Variants in UNKL observed in about 807,000 individuals in gnomAD.
The protein encoded by UNKL is unk like zinc finger.
A neutral mutation model predicts 78.0 loss-of-function variants in UNKL; 60 were observed. That is an observed-to-expected ratio of 0.77 (90% CI 0.63 to 0.95). UNKL has a LOEUF of 0.95. Among genes scored for constraint, UNKL ranks in the 40% least tolerant of loss-of-function variants. The probability of loss-of-function intolerance (pLI) is 0.00; values close to 1 mark genes in which losing one functional copy is unlikely to be tolerated. For synonymous variants in UNKL, 608 were observed against 474.8 expected, an observed-to-expected ratio of 1.28 and a Z score of -3.65; for missense variants, 1,159 against 1,045.7, an observed-to-expected ratio of 1.11 and a Z score of -1.49.
rs904174144 is a variant in UNKL at position 1,387,840 on chromosome 16, G to C, written c.1087-2455C>G. On this transcript the variant is annotated intron_variant, in intron 9 of 14. Transcript: ENST00000389221. This position sits in a 1 kb window ranked among gnomAD's most constrained non-coding sequence, Gnocchi z 4.1. Reference sequence around the variant, plus strand: ...CCCATCTCTTGGCAGCCCACCCTGTGTCCCGGGGTCTGCCCAGGTCCGTGC... The same window carrying C: ...CCCATCTCTTGGCAGCCCACCCTGTCTCCCGGGGTCTGCCCAGGTCCGTGC... 2.7e-5 allele frequency among the ~76,000 whole-genome samples: 4 copies of C among 145,544 alleles called. No homozygotes were observed. Among genetic ancestry groups the C allele is most frequent in the African/African-American group, 7.8e-5 (3 of 38,654 alleles).
intron 6 of UNKL, chr16:1,394,449 T>C (rs561604079): frequency 1.5e-6 from 1 of 683,050 alleles, no homozygotes; most frequent in African/African-American, 1.8e-5. Context: ...TCCCGCAGCA[T>C]CTGCCCTCCC....
Position 1,366,893 on chromosome 16 carries a change from A to AAGGCGGCTCCCAGGGGGAC in UNKL, c.2046+198_2046+199insGTCCCCCTGGGAGCCGCCT, listed in dbSNP as rs1187004849. 1.9e-4 allele frequency among the ~76,000 whole-genome samples: 29 copies of AAGGCGGCTCCCAGGGGGAC among 152,044 alleles called. 1 individual carries two copies. Among genetic ancestry groups the AAGGCGGCTCCCAGGGGGAC allele is most frequent in the African/African-American group, 7.0e-4 (29 of 41,498 alleles). On this transcript the variant is annotated intron_variant, in intron 14 of 14. Coordinates refer to ENST00000389221, the MANE Select transcript of UNKL (RefSeq NM_001372107.1). ...AAGGGCAAGGGCCAGCCTGACAGGA[A>AAGGCGGCTCCCAGGGGGAC]AGGCGGCTCCCAGGGAGACAGGCAA...
Position 1,403,495 on chromosome 16 carries a change from T to C in UNKL, c.288-151A>G, listed in dbSNP as rs2037622545. The stretch of plus-strand genomic sequence containing the variant: ...GTTCTAATCAGAAGGACGGACACAC[T>C]GGACGCAGCACCTGTCCCCAAATGT... On this transcript the variant is annotated intron_variant, in intron 2 of 14. Transcript: ENST00000389221. The surrounding 1 kb of genome is among the most constrained non-coding windows in gnomAD (Gnocchi z 4.8). 9.9e-7 allele frequency: 1 copy of C among 1,014,910 alleles called. No individual in the cohort carries two copies. The allele number at this position is 1,014,910 out of a possible 1,614,324, so 62.9% of individuals were successfully genotyped here.
At chr16:1,379,762 G>GCCC in intron 10 of UNKL, 35 of 867,964 alleles carry the variant, frequency 4.0e-5, no homozygotes, top group Middle Eastern at 5.9e-4. Context: ...CACTGGCCAC[G>GCCC]CCCCCCGCGC....
intron 10 of UNKL, among the ~76,000 whole-genome samples, chr16:1,379,989 G>A (rs1191261641): frequency 6.6e-6 from 1 of 152,238 alleles, no homozygotes; most frequent in Non-Finnish European, 1.5e-5. Context: ...CCCAACAGGG[G>A]CGCTCGCGGG....
chr16:1,374,291 G>T (rs1259731940), intron 10 of UNKL, among the ~76,000 whole-genome samples: 1 of 152,166 alleles, frequency 6.6e-6, no homozygotes, highest in African/African-American at 2.4e-5. Context: ...GTCTCTCCTG[G>T]GGGGCCCTGC....
chr16:1,409,003 G>A (rs112165758), intron 2 of UNKL: 2,356 of 149,900 alleles, frequency 0.016, 30 homozygotes, highest in Non-Finnish European at 0.023. Context: ...TGCAACCTCC[G>A]CCTCCCACGT....
rs756225036 is a variant in UNKL at position 1,367,215 on chromosome 16, C to G, written c.1923G>C (p.Glu641Asp). 3.1e-6 allele frequency: 5 copies of G among 1,603,364 alleles called. No homozygotes were observed. The East Asian group carries it at 6.7e-5, about 22-fold the overall frequency. ...AQVKQLQEEL[E>D]GLGVASTLPG... is the part of the protein sequence containing the mutation. ...GCAGTGTGGAGGCTACGCCCAGGCCCTCCAGCTCCTCCTGCAGCTGCTTCA... is the reference window on the plus strand; with the variant it reads ...GCAGTGTGGAGGCTACGCCCAGGCCGTCCAGCTCCTCCTGCAGCTGCTTCA... The change falls in exon 14 of 15, where the codon GAG becomes GAC. Residue 641 changes from glutamate (E) to aspartate (D), a missense_variant. Physicochemically the swap from Glu to Asp is conservative, Grantham distance 45. Coordinates refer to ENST00000389221, the MANE Select transcript of UNKL (RefSeq NM_001372107.1).
chr16:1,368,811 C>T (rs2035531659), intron 12 of UNKL, among the ~76,000 whole-genome samples: 1 of 152,076 alleles, frequency 6.6e-6, no homozygotes, highest in African/African-American at 2.4e-5. Context: ...TGAGACATGA[C>T]AATCATTTTA....
intron 3 of UNKL, among the ~76,000 whole-genome samples, chr16:1,402,644 CAG>C (rs1331014291): frequency 2.0e-5 from 3 of 151,232 alleles, no homozygotes; most frequent in Non-Finnish European, 4.4e-5. Context: ...GCCTGGGTAA[CAG>C]AGCGAGATTC....
rs1046649346 is a variant in UNKL, at chr16:1,365,968, C to CA, written c.*271dup. 11 of 326,554 alleles carry CA rather than the reference C, an allele frequency of 3.4e-5. No individual in the cohort carries two copies. In the East Asian group the frequency reaches 4.1e-4, roughly 12 times the overall value. The allele number at this position is 326,554 out of a possible 1,614,324, so 20.2% of individuals were successfully genotyped here. A position where few individuals can be genotyped will look rare whatever the true frequency, so the allele number is the denominator to read the frequency against. On this transcript the variant is annotated 3_prime_UTR_variant, in exon 15 of 15. Transcript: ENST00000389221. ...CCGGAGGCACCAGGCCCCTCAGGGACAGGCAGGCGGGTTCTGTGGGTTTGC... is the reference window on the plus strand; with the variant it reads ...CCGGAGGCACCAGGCCCCTCAGGGACAAGGCAGGCGGGTTCTGTGGGTTTGC...
At chr16:1,406,276 A>T (rs1007967723) in intron 2 of UNKL, among the ~76,000 whole-genome samples, 1 of 151,288 alleles carries the variant, frequency 6.6e-6, no homozygotes, top group Admixed American at 6.6e-5. Context: ...GCAGTGGCAC[A>T]ATCTCAGCTC....
chr16:1,401,523 G>GGGCGGCCCCCCCC, intron 4 of UNKL, 45 bp downstream of exon 4: 1 of 1,470,336 alleles, frequency 6.8e-7, no homozygotes, highest in Non-Finnish European at 9.1e-7. Context: ...CTCGCGCTGT[G>GGGCGGCCCCCCCC]CCCGCCCCCC....
chr16:1,406,129 G>C, intron 2 of UNKL: 1 of 445,900 alleles, frequency 2.2e-6, no homozygotes. Flanking sequence ...TAAGGACGCA[G>C]GCATAGGTGG....
At chr16:1,400,901 C>G (rs2037496533) in intron 4 of UNKL, among the ~76,000 whole-genome samples, 1 of 152,168 alleles carries the variant, frequency 6.6e-6, no homozygotes, top group Admixed American at 6.5e-5. Context: ...GTTGGCCAGG[C>G]TGGCCTCAAA....
Position 1,365,581 on chromosome 16 carries a change from C to G in UNKL, c.*659G>C, listed in dbSNP as rs1234838138. On this transcript the variant is annotated 3_prime_UTR_variant, in exon 15 of 15. Transcript: ENST00000389221. ...TCCTTCCATCAAGTTAAAAACATCT[C>G]AATCCATAATCACTCTGCTTATAAA... The G allele has an allele frequency of 6.6e-6, 1 of 152,618 alleles. No homozygotes were observed. Among genetic ancestry groups the G allele is most frequent in the African/African-American group, 2.4e-5 (1 of 41,444 alleles). The allele number at this position is 152,618 out of a possible 1,614,324, so 9.5% of individuals were successfully genotyped here.
chr16:1,392,896 C>T lies in UNKL; in HGVS notation c.1018G>A (p.Gly340Arg). Reference protein sequence around the residue: ...SPSSTGSGQPGNAKRRDSPAE... With the variant: ...SPSSTGSGQPRNAKRRDSPAE... ...TGGGAAGGCCGTTCACTTACATTTC[C>T]CGGCTGGCCGCTGCCCGTGGAGGAA... Residue 340 changes from glycine (G) to arginine (R), a missense_variant, in exon 8 of 15, where the codon GGA becomes AGA. Transcript: ENST00000389221. The T allele has an allele frequency of 6.4e-7, 1 of 1,550,600 alleles. No homozygotes were observed. Among genetic ancestry groups the T allele is most frequent in the Non-Finnish European group, 8.7e-7 (1 of 1,147,006 alleles).
At chr16:1,394,547 GC>G in intron 6 of UNKL, 1 of 511,526 alleles carries the variant, frequency 2.0e-6, no homozygotes, top group Non-Finnish European at 3.8e-6. Flanking sequence ...CCTAATAAGT[GC>G]CTATTAAAAG....
chr16:1,414,504 C>A (rs1385058393), intron 1 of UNKL, 111 bp downstream of exon 1: 7 of 232,076 alleles, frequency 3.0e-5, no homozygotes, highest in Non-Finnish European at 4.3e-5. Context: ...AGCCCAGGCG[C>A]TGCGCGGAGG....
Sources: allele counts gnomAD v4.1 joint callset (sites outside exome capture counted in the v4.1 genomes callset), GRCh38; gene constraint gnomAD v4.1.1; non-coding constraint Gnocchi (gnomAD v3.1); transcripts MANE v1.5; gene names NCBI Gene and HGNC (gene_info 2026-07-23, HGNC 2026-07-21).